VIPAS39: variants seen among roughly 807,000 people sequenced by gnomAD.
The protein encoded by VIPAS39 is spermatogenesis-defective protein 39 homolog.
Under a neutral mutation model 84.7 loss-of-function variants are expected in VIPAS39, and 63 were observed. That is an observed-to-expected ratio of 0.74 (90% confidence interval 0.61 to 0.92). VIPAS39 has a LOEUF of 0.92. Ranked by LOEUF, VIPAS39 falls within the 40% of genes least tolerant of loss-of-function variation. The pLI, the probability that VIPAS39 is intolerant of heterozygous loss-of-function variation, is 0.00. For synonymous variants in VIPAS39, 192 were observed against 216.5 expected, an observed-to-expected ratio of 0.89 and a Z score of 0.99; for missense variants, 499 against 604.5, an observed-to-expected ratio of 0.83 and a Z score of 1.83.
chr14:77,451,215 A>C lies in VIPAS39; in HGVS notation c.315T>G (p.Ser105=). 6.2e-7 allele frequency: 1 copy of C among 1,614,242 alleles called. No individual in the cohort carries two copies. The highest frequency in any genetic ancestry group is 8.5e-7 in the Non-Finnish European group (1 of 1,180,044). Residue 105 remains serine (S), a synonymous_variant, in exon 4 of 20, where the codon TCT becomes TCG. Transcript: ENST00000557658. The part of the protein sequence containing the change: ...SSYAQLPKPT[S]TYSLSSFFRG... ...TAAAAAAGCTGCTCAGGGAGTAGGT[A>C]GAAGTAGGCTTGGGTAGTTGTGCAT... is the stretch of plus-strand genomic sequence containing the variant.
intron 3 of VIPAS39, 26 bp from the exon 4 acceptor site, chr14:77,451,359 G>A: frequency 6.2e-7 from 1 of 1,613,958 alleles, no homozygotes. Context: ...AACTACATCA[G>A]CAATTCTCAT....
intron 1 of VIPAS39, 92 bp from the exon 2 acceptor site, chr14:77,454,194 C>A (rs1594929737): frequency 8.5e-7 from 1 of 1,169,668 alleles, no homozygotes; most frequent in East Asian, 2.4e-5. Flanking sequence ...TAACTGATCC[C>A]AAAAATCAAG....
chr14:77,437,189 T>TCTAC (rs2139786306), intron 12 of VIPAS39, among the ~76,000 whole-genome samples: 1 of 152,300 alleles, frequency 6.6e-6, no homozygotes, highest in South Asian at 2.1e-4. Flanking sequence ...CTGGGTAGAC[T>TCTAC]CTACACCTGT....
In VIPAS39 at chr14:77,456,964, GT is replaced by G. The variant is rs898420395; in HGVS notation, c.-1+530del. On this transcript the variant is annotated intron_variant, in intron 1 of 19. Transcript: ENST00000557658. ...CAGAGGTTTGTCTTTATCGTCTCTTGTTTACTGACAGCCCACAAGGCAGGGT... is the reference window on the plus strand; with the variant it reads ...CAGAGGTTTGTCTTTATCGTCTCTTGTTACTGACAGCCCACAAGGCAGGGT... The G allele has an allele frequency of 2.2e-5, 14 of 644,368 alleles. No individual in the cohort carries two copies. In the South Asian group the frequency reaches 3.6e-4, roughly 17 times the overall value. The allele number at this position is 644,368 out of a possible 1,614,324, so 39.9% of individuals were successfully genotyped here. A position where few individuals can be genotyped will look rare whatever the true frequency, so the allele number is the denominator to read the frequency against.
intron 16 of VIPAS39, among the ~76,000 whole-genome samples, chr14:77,431,657 G>A (rs2078524967): frequency 6.6e-6 from 1 of 152,058 alleles, no homozygotes; most frequent in Non-Finnish European, 1.5e-5. Flanking sequence ...GTGACAGAGT[G>A]AGACCCTCTC....
At chr14:77,457,417 G>A in intron 1 of VIPAS39, 78 bp downstream of exon 1, 1 of 1,534,274 alleles carries the variant, frequency 6.5e-7, no homozygotes, top group South Asian at 1.2e-5. Context: ...ATGCCTCCTA[G>A]AAGAGGGGAA....
In VIPAS39 at chr14:77,447,567, T is replaced by C. The variant is rs116845622; in HGVS notation, c.504+927A>G. On this transcript the variant is annotated intron_variant, in intron 7 of 19. Transcript: ENST00000557658. Reference sequence around the variant, plus strand: ...GTGCTGGAACAAATGGAGATCTACATGGGGAAAACAATTAAACTCAAACCC... The same window carrying C: ...GTGCTGGAACAAATGGAGATCTACACGGGGAAAACAATTAAACTCAAACCC... 4.8e-3 allele frequency among the ~76,000 whole-genome samples: 716 copies of C among 147,732 alleles called. 2 individuals carry two copies. The highest frequency in any genetic ancestry group is 7.7e-3 in the Non-Finnish European group (512 of 66,102).
chr14:77,435,753 G>T, intron 13 of VIPAS39, 91 bp downstream of exon 13: 1 of 1,371,918 alleles, frequency 7.3e-7, no homozygotes, highest in South Asian at 1.2e-5. Flanking sequence ...AGTAAGAAAT[G>T]ACCCACGTGC....
intron 2 of VIPAS39, among the ~76,000 whole-genome samples, chr14:77,453,611 A>G (rs1443062872): frequency 1.3e-5 from 2 of 152,214 alleles, no homozygotes; most frequent in Admixed American, 1.3e-4. Context: ...AGGAGGAATC[A>G]AAGTCACTTT....
Position 77,429,668 on chromosome 14 carries a change from C to T in VIPAS39, c.1266+13G>A. 6.2e-7 allele frequency: 1 copy of T among 1,613,866 alleles called. No homozygotes were observed. Among genetic ancestry groups the T allele is most frequent in the Non-Finnish European group, 8.5e-7 (1 of 1,179,726 alleles). On this transcript the variant is annotated intron_variant, in intron 17 of 19. Transcript: ENST00000557658. ...AGAATATCCTGTACCCAACTCTCTT[C>T]AGGACCCATTACCTGCACAGGGGCA...
At chr14:77,438,956 C>T (rs1277322685) in intron 11 of VIPAS39, among the ~76,000 whole-genome samples, 1 of 152,128 alleles carries the variant, frequency 6.6e-6, no homozygotes, top group East Asian at 1.9e-4. Flanking sequence ...ATCCAATCTT[C>T]GTAAAATAGT....
At chr14:77,447,898 G>C (rs2078819024) in intron 7 of VIPAS39, among the ~76,000 whole-genome samples, 1 of 151,360 alleles carries the variant, frequency 6.6e-6, no homozygotes, top group Non-Finnish European at 1.5e-5. Context: ...CTGACCTCAG[G>C]TGATCTGCCT....
intron 1 of VIPAS39, chr14:77,456,960 T>G: frequency 1.7e-6 from 1 of 583,182 alleles, no homozygotes; most frequent in South Asian, 3.3e-5. Flanking sequence ...CTTTATCGTC[T>G]CTTGTTTACT....
At position 77,457,081 on chromosome 14, in the gene VIPAS39, CA is replaced by C. The variant is rs1028130418; in HGVS notation, c.-1+413del. On this transcript the variant is annotated intron_variant, in intron 1 of 19. Transcript: ENST00000557658. Reference sequence around the variant, plus strand: ...ACATGCTCCCTGCCTCAGAAAACTCCAAAAACCACCTACTGAGAAGTCAGAC... The same window carrying C: ...ACATGCTCCCTGCCTCAGAAAACTCCAAAACCACCTACTGAGAAGTCAGAC... 4.3e-6 allele frequency: 6 copies of C among 1,394,484 alleles called. No homozygotes were observed. The African/African-American group carries it at 8.7e-5, about 20-fold the overall frequency. The allele number at this position is 1,394,484 out of a possible 1,614,324, so 86.4% of individuals were successfully genotyped here.
chr14:77,450,016 C>T (rs1399222607), intron 4 of VIPAS39, among the ~76,000 whole-genome samples: 1 of 152,092 alleles, frequency 6.6e-6, no homozygotes, highest in Non-Finnish European at 1.5e-5. Flanking sequence ...GCATTAAGTA[C>T]ATTCACACTG....
At chr14:77,433,019 TA>T (rs559690358) in intron 16 of VIPAS39, among the ~76,000 whole-genome samples, 29 of 152,040 alleles carry the variant, frequency 1.9e-4, no homozygotes, top group African/African-American at 4.3e-4. Flanking sequence ...AAAATTAATT[TA>T]AAAAAAGGTA....
In VIPAS39 at chr14:77,442,696, T is replaced by C. The variant is rs115694495; in HGVS notation, c.632-34A>G. The C allele has an allele frequency of 6.9e-4, 1,092 of 1,585,900 alleles. 6 individuals are homozygous for C. The African/African-American group carries it at 0.013, about 19-fold the overall frequency. On this transcript the variant is annotated intron_variant, in intron 9 of 19. Coordinates refer to ENST00000557658, the MANE Select transcript of VIPAS39 (RefSeq NM_001193315.2). ...CAGTCAGGAGTTAAGTTGAGAAAGA[T>C]TAAAGCCAATTAGTCAAGTGTGAAA...
chr14:77,432,000 T>A (rs958562551), intron 16 of VIPAS39, among the ~76,000 whole-genome samples: 1 of 152,166 alleles, frequency 6.6e-6, no homozygotes, highest in Non-Finnish European at 1.5e-5. Flanking sequence ...GGTATATATA[T>A]ACATACATGC....
intron 11 of VIPAS39, 120 bp downstream of exon 11, chr14:77,440,946 G>A (rs2078693107): frequency 2.5e-6 from 3 of 1,208,710 alleles, no homozygotes; most frequent in Admixed American, 3.5e-5. Context: ...TTGAACTCCT[G>A]ACCTCAGGTG....
Sources: allele counts gnomAD v4.1 joint callset (sites outside exome capture counted in the v4.1 genomes callset), GRCh38; gene constraint gnomAD v4.1.1; transcripts MANE v1.5; gene names NCBI Gene and HGNC (gene_info 2026-07-23, HGNC 2026-07-21).